SNX1: variants seen among roughly 807,000 people sequenced by gnomAD.
SNX1 encodes the protein sorting nexin-1.
A neutral mutation model predicts 71.8 loss-of-function variants in SNX1; 36 were observed. The observed-to-expected ratio is 0.50, with a 90% CI of 0.38 to 0.66. The LOEUF (loss-of-function observed/expected upper bound fraction) is 0.66, where lower values mean the gene tolerates loss of function less well. Among genes scored for constraint, SNX1 ranks in the 30% least tolerant of loss-of-function variants. The pLI is 0.00. For missense variants in SNX1, 612 were observed against 646.7 expected (o/e 0.95, Z 0.58); for synonymous variants, 254 against 240.7 (o/e 1.06, Z -0.51).
Position 64,102,761 on chromosome 15 carries a change from CTTTTTTTTTT to C in SNX1, c.159+6605_159+6614del, listed in dbSNP as rs60616312. On this transcript the variant is annotated intron_variant, in intron 1 of 14. Transcript: ENST00000559844. ...CCATTTTGTATATATACCACGCCTTCTTTTTTTTTTTTTTTTTTTTTTTTTGACACAGGGT... is the reference window on the plus strand; with the variant it reads ...CCATTTTGTATATATACCACGCCTTCTTTTTTTTTTTTTTTGACACAGGGT... Among the ~76,000 whole-genome samples, 2 of 76,408 alleles carry C rather than the reference CTTTTTTTTTT, an allele frequency of 2.6e-5. 1 individual carries two copies. Among genetic ancestry groups the C allele is most frequent in the African/African-American group, 1.1e-4 (2 of 18,588 alleles). 50.1% of individuals were successfully genotyped at this position (76,408 alleles called of 152,430 possible). A position where few individuals can be genotyped will look rare whatever the true frequency, so the allele number is the denominator to read the frequency against.
intron 1 of SNX1, among the ~76,000 whole-genome samples, chr15:64,105,973 G>T (rs1458465792): frequency 2.0e-5 from 3 of 152,000 alleles, no homozygotes; most frequent in African/African-American, 7.2e-5. Context: ...GTTTTTAAAT[G>T]TATGAAATAA....
chr15:64,098,367 G>A (rs1434093957), intron 1 of SNX1, among the ~76,000 whole-genome samples: 1 of 152,192 alleles, frequency 6.6e-6, no homozygotes, highest in Non-Finnish European at 1.5e-5. Flanking sequence ...TTCCAAAAAG[G>A]AACCTGGAAG....
In SNX1 at chr15:64,129,771, T is replaced by C; in HGVS notation, c.808-145T>C. 1 of 615,688 alleles carries C rather than the reference T, an allele frequency of 1.6e-6. No individual in the cohort carries two copies. The highest frequency in any genetic ancestry group is 2.9e-6 in the Non-Finnish European group (1 of 340,458). 38.1% of individuals were successfully genotyped at this position (615,688 alleles called of 1,614,324 possible). ...TCTGTATGGACATGTTAGTTGTGGA[T>C]TCCTCAGACTGCCTTTGAAAACAAT... is the stretch of plus-strand genomic sequence containing the variant. On this transcript the variant is annotated intron_variant, in intron 8 of 14. Transcript: ENST00000559844. The surrounding 1 kb of genome is among the most constrained non-coding windows in gnomAD (Gnocchi z 4.4).
chr15:64,096,040 C>G lies in SNX1; in HGVS notation c.27C>G (p.Ser9Arg), dbSNP rs777522910. The G allele has an allele frequency of 6.3e-7, 1 of 1,594,008 alleles. No individual in the cohort carries two copies. Among genetic ancestry groups the G allele is most frequent in the Non-Finnish European group, 8.5e-7 (1 of 1,174,420 alleles). The part of the protein sequence containing the change: MASGGGGC[S>R]ASERLPPPFP... ...TGGCGTCGGGTGGTGGTGGCTGTAGCGCTTCGGAGAGACTGCCTCCGCCCT... is the reference window on the plus strand; with the variant it reads ...TGGCGTCGGGTGGTGGTGGCTGTAGGGCTTCGGAGAGACTGCCTCCGCCCT... The change falls in exon 1 of 15, where the codon AGC (serine) becomes AGG (arginine). Residue 9 changes from serine (S) to arginine (R), a missense_variant. Coordinates refer to ENST00000559844, the MANE Select transcript of SNX1 (RefSeq NM_003099.5).
intron 10 of SNX1, among the ~76,000 whole-genome samples, chr15:64,131,439 C>T (rs1046649718): frequency 3.3e-5 from 5 of 152,168 alleles, no homozygotes; most frequent in Admixed American, 1.3e-4. Flanking sequence ...GAGCTGCTTC[C>T]TTCAGGTAGG....
chr15:64,096,018 C>A lies in SNX1; in HGVS notation c.5C>A (p.Ala2Glu). Reference protein sequence around the residue: MASGGGGCSASE... With the variant: MESGGGGCSASE... ...TTCCGCCGCGGGTGGAAGAAGATGG[C>A]GTCGGGTGGTGGTGGCTGTAGCGCT... is the stretch of plus-strand genomic sequence containing the variant. The change falls in exon 1 of 15, where the codon GCG becomes GAG. Residue 2 changes from alanine (A) to glutamate (E), a missense_variant. This residue lies in a region of SNX1 where 316 missense variants were observed against 284.9 expected (regional missense o/e 1.11). Coordinates refer to ENST00000559844, the MANE Select transcript of SNX1 (RefSeq NM_003099.5). 2 of 1,595,768 alleles carry A rather than the reference C, an allele frequency of 1.3e-6. No homozygotes were observed. The highest frequency in any genetic ancestry group is 8.5e-7 in the Non-Finnish European group (1 of 1,175,050).
chr15:64,111,273 G>A (rs1012530700), intron 1 of SNX1, among the ~76,000 whole-genome samples: 1 of 152,170 alleles, frequency 6.6e-6, no homozygotes, highest in African/African-American at 2.4e-5. Flanking sequence ...TTTTAAGATT[G>A]TTAAAGCAGC....
At chr15:64,136,606 C>G (rs1011553194) in intron 13 of SNX1, among the ~76,000 whole-genome samples, 196 bp downstream of exon 13, 9 of 152,120 alleles carry the variant, frequency 5.9e-5, no homozygotes, top group Admixed American at 3.3e-4. Context: ...GGCTGGACCA[C>G]AGCAGTTAAA....
At chr15:64,112,040 A>G (rs1019123100) in intron 1 of SNX1, among the ~76,000 whole-genome samples, 1 of 152,260 alleles carries the variant, frequency 6.6e-6, no homozygotes, top group Non-Finnish European at 1.5e-5. Context: ...TGAGTTAAGG[A>G]TGAAAAGATA....
At chr15:64,108,819 C>T (rs2081049037) in intron 1 of SNX1, among the ~76,000 whole-genome samples, 1 of 151,618 alleles carries the variant, frequency 6.6e-6, no homozygotes. Flanking sequence ...GAAACGCCGT[C>T]TCCACTAATA....
In SNX1 at chr15:64,131,556, T is replaced by G. The variant is rs540687618; in HGVS notation, c.1016-131T>G. 1.7e-5 allele frequency: 13 copies of G among 750,370 alleles called. 1 individual carries two copies. In the Admixed American group the frequency reaches 3.2e-4, roughly 19 times the overall value. The allele number at this position is 750,370 out of a possible 1,614,324, so 46.5% of individuals were successfully genotyped here. On this transcript the variant is annotated intron_variant, in intron 10 of 14. Coordinates refer to ENST00000559844, the MANE Select transcript of SNX1 (RefSeq NM_003099.5). ...TACAGTTAACTGTGGTGTAAGTGACTGGGTTGCAGAGCCCTCAGTTCCCAG... is the reference window on the plus strand; with the variant it reads ...TACAGTTAACTGTGGTGTAAGTGACGGGGTTGCAGAGCCCTCAGTTCCCAG...
chr15:64,126,635 A>G (rs919209974), intron 6 of SNX1, among the ~76,000 whole-genome samples: 1 of 152,126 alleles, frequency 6.6e-6, no homozygotes, highest in African/African-American at 2.4e-5. Flanking sequence ...GTTGGAGTGC[A>G]GTGGCGCGAT....
At chr15:64,136,526 G>T (rs768750933) in intron 13 of SNX1, 116 bp downstream of exon 13, 2 of 854,658 alleles carry the variant, frequency 2.3e-6, no homozygotes, top group Non-Finnish European at 4.0e-6. Flanking sequence ...GGCAGTTCTC[G>T]TGAGCAGGCG....
At chr15:64,109,148 A>T (rs1285488484) in intron 1 of SNX1, among the ~76,000 whole-genome samples, 3 of 152,072 alleles carry the variant, frequency 2.0e-5, no homozygotes, top group Non-Finnish European at 4.4e-5. Context: ...TGGTGGGCAG[A>T]TCGCTTGAGG....
chr15:64,138,301 A>G lies in SNX1; in HGVS notation c.*683A>G. The G allele has an allele frequency of 1.8e-6, 2 of 1,085,752 alleles. No individual in the cohort carries two copies. The highest frequency in any genetic ancestry group is 2.5e-6 in the Non-Finnish European group (2 of 804,876). 67.3% of individuals were successfully genotyped at this position (1,085,752 alleles called of 1,614,324 possible). On this transcript the variant is annotated 3_prime_UTR_variant, in exon 15 of 15. Transcript: ENST00000559844. ...TCTATTAAAACCTATTCTCCTGCAA[A>G]GGAGGCAGAGACTTTCTCTCTCTCT... is the stretch of plus-strand genomic sequence containing the variant.
intron 1 of SNX1, among the ~76,000 whole-genome samples, chr15:64,096,483 A>G (rs2080902454): frequency 6.6e-6 from 1 of 152,186 alleles, no homozygotes; most frequent in African/African-American, 2.4e-5. Context: ...GTTATTTTGC[A>G]GGTCGTGTCC....
At chr15:64,104,930 A>G (rs1340513897) in intron 1 of SNX1, among the ~76,000 whole-genome samples, 1 of 147,066 alleles carries the variant, frequency 6.8e-6, no homozygotes, top group Non-Finnish European at 1.5e-5. Flanking sequence ...CTGACTTAAA[A>G]TTTATTTAAA....
Position 64,134,969 on chromosome 15 carries a change from T to A in SNX1, c.1365+162T>A, listed in dbSNP as rs1021936340. The A allele has an allele frequency of 6.2e-6, 5 of 803,612 alleles. No individual in the cohort carries two copies. The highest frequency in any genetic ancestry group is 7.7e-6 in the Non-Finnish European group (4 of 522,342). 49.8% of individuals were successfully genotyped at this position (803,612 alleles called of 1,614,324 possible). On this transcript the variant is annotated intron_variant, in intron 12 of 14. Coordinates refer to ENST00000559844, the MANE Select transcript of SNX1 (RefSeq NM_003099.5). This position sits in a 1 kb window ranked among gnomAD's most constrained non-coding sequence, Gnocchi z 4.1. ...AGCCTCTGAGAATGACTCCAGGCCT[T>A]CCTGAGGCCTAGTCCCCCTGTTCTT...
chr15:64,132,939 G>T (rs1475873723), intron 11 of SNX1, among the ~76,000 whole-genome samples: 1 of 152,232 alleles, frequency 6.6e-6, no homozygotes, highest in African/African-American at 2.4e-5. Context: ...TGGAGAGCCA[G>T]CTGCAGGAAG....
Sources: allele counts gnomAD v4.1 joint callset (sites outside exome capture counted in the v4.1 genomes callset), GRCh38; gene constraint gnomAD v4.1.1; regional missense constraint gnomAD v4.1.1; non-coding constraint Gnocchi (gnomAD v3.1); transcripts MANE v1.5; gene names NCBI Gene and HGNC (gene_info 2026-07-23, HGNC 2026-07-21).